The following KDM7A variants were observed in gnomAD, a reference collection of about 807,000 sequenced individuals.
KDM7A encodes the protein lysine-specific demethylase 7A.
KDM7A carries 28 observed loss-of-function variants against 114.8 expected under a neutral mutation model. The observed-to-expected ratio is 0.24, with a 90% confidence interval of 0.18 to 0.33. The LOEUF is 0.33. KDM7A is among the 10% of genes least tolerant of loss of function. The probability of loss-of-function intolerance (pLI) is 1.00; values close to 1 mark genes in which losing one functional copy is unlikely to be tolerated. For synonymous variants in KDM7A, 423 were observed against 397.8 expected, an observed-to-expected ratio of 1.06 and a Z score of -0.75; for missense variants, 942 against 1,142.5, an observed-to-expected ratio of 0.82 and a Z score of 2.53.
chr7:140,118,174 A>G (rs1297774339), intron 9 of KDM7A, among the ~76,000 whole-genome samples: 1 of 152,262 alleles, frequency 6.6e-6, no homozygotes, highest in Non-Finnish European at 1.5e-5. Context: ...CACTATTTAC[A>G]AACTGACTAG....
intron 1 of KDM7A, among the ~76,000 whole-genome samples, chr7:140,170,213 A>C (rs945413440): frequency 6.6e-6 from 1 of 152,202 alleles, no homozygotes; most frequent in African/African-American, 2.4e-5. Flanking sequence ...AAGCGGAGTT[A>C]AATTATAAAA....
intron 11 of KDM7A, among the ~76,000 whole-genome samples, chr7:140,106,073 GCA>G (rs1818333638): frequency 6.6e-6 from 1 of 152,162 alleles, no homozygotes; most frequent in African/African-American, 2.4e-5. Context: ...TAGTTTATTT[GCA>G]CAGAGGTGTT....
chr7:140,128,639 A>G (rs1359804074), intron 4 of KDM7A, among the ~76,000 whole-genome samples: 1 of 152,224 alleles, frequency 6.6e-6, no homozygotes, highest in Non-Finnish European at 1.5e-5. Flanking sequence ...TGAAGTTACA[A>G]TACTTAGTTA....
At chr7:140,105,204 T>C (rs1562947539) in intron 11 of KDM7A, among the ~76,000 whole-genome samples, 2 of 152,130 alleles carry the variant, frequency 1.3e-5, no homozygotes, top group Non-Finnish European at 2.9e-5. Flanking sequence ...ATGAGGGGGT[T>C]TTCTAAATAT....
intron 2 of KDM7A, 151 bp from the exon 3 acceptor site, chr7:140,133,807 T>G (rs1818828592): frequency 1.9e-6 from 1 of 538,620 alleles, no homozygotes; most frequent in African/African-American, 1.9e-5. Context: ...CTGAGAATTT[T>G]GCTTAATGTA....
At chr7:140,118,903 T>C (rs1818574790) in intron 9 of KDM7A, among the ~76,000 whole-genome samples, 1 of 152,176 alleles carries the variant, frequency 6.6e-6, no homozygotes, top group Admixed American at 6.5e-5. Context: ...TCATAACAAA[T>C]TTTTAAGAAC....
intron 4 of KDM7A, among the ~76,000 whole-genome samples, chr7:140,128,308 C>T (rs139400267): frequency 2.3e-3 from 343 of 152,254 alleles, no homozygotes; most frequent in Non-Finnish European, 4.2e-3. Context: ...AGGTAGAATT[C>T]AAAATATGGC....
chr7:140,110,866 C>T (rs1161565552), intron 11 of KDM7A, among the ~76,000 whole-genome samples: 2 of 152,108 alleles, frequency 1.3e-5, no homozygotes, highest in African/African-American at 4.8e-5. Context: ...GTATCCTAAA[C>T]TAGTAACTGT....
intron 11 of KDM7A, among the ~76,000 whole-genome samples, chr7:140,106,198 A>G (rs1286599497): frequency 2.0e-5 from 3 of 151,980 alleles, no homozygotes; most frequent in African/African-American, 7.3e-5. Context: ...TAGTCTTGCT[A>G]GCAGTCTATC....
chr7:140,116,216 A>T (rs1031300457), intron 9 of KDM7A, among the ~76,000 whole-genome samples: 3 of 152,156 alleles, frequency 2.0e-5, no homozygotes, highest in Non-Finnish European at 4.4e-5. Flanking sequence ...TAATTGTCAA[A>T]AACCAAAAAT....
intron 1 of KDM7A, among the ~76,000 whole-genome samples, chr7:140,149,221 T>C (rs1462471914): frequency 2.0e-5 from 3 of 152,214 alleles, no homozygotes; most frequent in South Asian, 2.1e-4. Flanking sequence ...CCCAAAAAGC[T>C]AAAAATCCTG....
chr7:140,174,952 C>CA (rs1002054230), intron 1 of KDM7A, among the ~76,000 whole-genome samples: 3 of 147,996 alleles, frequency 2.0e-5, no homozygotes, highest in African/African-American at 7.3e-5. Flanking sequence ...CCTCAAATTT[C>CA]AAAAAATAGT....
At position 140,087,348 on chromosome 7, in the gene KDM7A, C is replaced by T. The variant is rs1454313823; in HGVS notation, c.*3746G>A. The T allele has an allele frequency of 6.6e-6, 1 of 152,198 alleles. No individual in the cohort carries two copies. The highest frequency in any genetic ancestry group is 2.4e-5 in the African/African-American group (1 of 41,460). 9.4% of individuals were successfully genotyped at this position (152,198 alleles called of 1,614,324 possible). Reference sequence around the variant, plus strand: ...ACTTGAGGATACACATTCTCACTCTCTTATCCATAAACAACTTCATTTTTC... The same window carrying T: ...ACTTGAGGATACACATTCTCACTCTTTTATCCATAAACAACTTCATTTTTC... On this transcript the variant is annotated 3_prime_UTR_variant, in exon 20 of 20. Transcript: ENST00000397560.
intron 4 of KDM7A, 21 bp from the exon 5 acceptor site, chr7:140,127,604 CTTA>C (rs1489341525): frequency 3.1e-6 from 5 of 1,608,438 alleles, no homozygotes; most frequent in Non-Finnish European, 3.4e-6. Context: ...AAATTACAGT[CTTA>C]TTATTGGACT....
intron 12 of KDM7A, among the ~76,000 whole-genome samples, chr7:140,100,918 G>A (rs1818216074): frequency 6.6e-6 from 1 of 150,760 alleles, no homozygotes; most frequent in South Asian, 2.1e-4. Flanking sequence ...CCGCCACTGC[G>A]CCTGGCTAAT....
intron 12 of KDM7A, among the ~76,000 whole-genome samples, chr7:140,101,533 G>A (rs147211501): frequency 1.1e-4 from 16 of 152,062 alleles, no homozygotes; most frequent in African/African-American, 3.6e-4. Context: ...CCTTTATTCT[G>A]TTGTTCTATT....
At chr7:140,114,466 A>G (rs375440795) in intron 9 of KDM7A, among the ~76,000 whole-genome samples, 22 of 152,252 alleles carry the variant, frequency 1.4e-4, no homozygotes, top group African/African-American at 4.8e-4. Context: ...TCGTTCACTC[A>G]GTGCTCAATG....
At chr7:140,157,911 G>A (rs1794475995) in intron 1 of KDM7A, among the ~76,000 whole-genome samples, 1 of 151,444 alleles carries the variant, frequency 6.6e-6, no homozygotes, top group Admixed American at 6.6e-5. Flanking sequence ...AGAGGTTGCA[G>A]TGAGCCGAGA....
In KDM7A at chr7:140,090,499, T is replaced by C. The variant is rs925313180; in HGVS notation, c.*595A>G. ...TGAAATATATAAAATAAAATGATTT[T>C]CATATACATCTTAATTTAAAATAAT... is the stretch of plus-strand genomic sequence containing the variant. On this transcript the variant is annotated 3_prime_UTR_variant, in exon 20 of 20. Coordinates refer to ENST00000397560, the MANE Select transcript of KDM7A (RefSeq NM_030647.2). 3.9e-5 allele frequency: 6 copies of C among 152,182 alleles called. No individual in the cohort carries two copies. The highest frequency in any genetic ancestry group is 6.5e-5 in the Admixed American group (1 of 15,272). 9.4% of individuals were successfully genotyped at this position (152,182 alleles called of 1,614,324 possible). A position where few individuals can be genotyped will look rare whatever the true frequency, so the allele number is the denominator to read the frequency against.
Sources: gnomAD v4.1 joint callset for allele counts (sites outside exome capture counted in the v4.1 genomes callset) on GRCh38, gnomAD v4.1.1 for gene constraint, MANE v1.5 for transcripts, NCBI Gene and HGNC (gene_info 2026-07-23, HGNC 2026-07-21) for gene names.